Variants in DSCAML1 observed in about 807,000 individuals in gnomAD.
The protein encoded by DSCAML1 is DS cell adhesion molecule like 1.
A neutral mutation model predicts 200.5 loss-of-function variants in DSCAML1; 38 were observed. The observed-to-expected ratio is 0.19, with a 90% CI of 0.15 to 0.25. DSCAML1 has a LOEUF of 0.25. Among genes scored for constraint, DSCAML1 ranks in the 10% least tolerant of loss-of-function variants. The probability of loss-of-function intolerance (pLI) is 1.00; values close to 1 mark genes in which losing one functional copy is unlikely to be tolerated. For synonymous variants in DSCAML1, 1,215 were observed against 1,165.0 expected, an observed-to-expected ratio of 1.04 and a Z score of -0.87; for missense variants, 2,223 against 2,858.8, an observed-to-expected ratio of 0.78 and a Z score of 5.07.
At chr11:117,704,595 G>T (rs766885138) in intron 3 of DSCAML1, among the ~76,000 whole-genome samples, 85 of 152,204 alleles carry the variant, frequency 5.6e-4, no homozygotes, top group Non-Finnish European at 1.0e-3. Context: ...CGGGGAGGAG[G>T]GGGTGTATGG....
At chr11:117,757,998 AAAACAAAC>A (rs141321910) in intron 3 of DSCAML1, among the ~76,000 whole-genome samples, 2 of 151,064 alleles carry the variant, frequency 1.3e-5, no homozygotes, top group East Asian at 2.0e-4. Context: ...TCAAAAAGCA[AAAACAAAC>A]AAACAAACAA....
chr11:117,557,659 G>C (rs561118655), intron 3 of DSCAML1, among the ~76,000 whole-genome samples: 1 of 152,378 alleles, frequency 6.6e-6, no homozygotes, highest in East Asian at 1.9e-4. Context: ...AGCTGTTCCA[G>C]CTGCAGAAGG....
intron 5 of DSCAML1, among the ~76,000 whole-genome samples, chr11:117,522,843 C>T (rs2049907502): frequency 6.6e-6 from 1 of 152,092 alleles, no homozygotes; most frequent in South Asian, 2.1e-4. Flanking sequence ...ATGAACCTGG[C>T]AGGGAGAGGC....
At chr11:117,433,379 T>A (rs1307463974) in intron 28 of DSCAML1, 62 bp downstream of exon 28, 17 of 1,601,582 alleles carry the variant, frequency 1.1e-5, no homozygotes, top group Non-Finnish European at 1.4e-5. Context: ...GCGAGGCTCC[T>A]GGGTCCTCCT....
intron 11 of DSCAML1, among the ~76,000 whole-genome samples, chr11:117,500,391 T>C (rs1413547804): frequency 6.6e-6 from 1 of 152,248 alleles, no homozygotes; most frequent in Admixed American, 6.5e-5. Flanking sequence ...TCTGTCTGAC[T>C]CATCACCAGG....
intron 1 of DSCAML1, among the ~76,000 whole-genome samples, chr11:117,790,222 CTG>C (rs556962367): frequency 3.3e-4 from 51 of 152,342 alleles, no homozygotes; most frequent in African/African-American, 9.9e-4. Context: ...CCACAAAAGA[CTG>C]TGGATTCCCT....
intron 19 of DSCAML1, among the ~76,000 whole-genome samples, chr11:117,455,582 T>G (rs1008361803): frequency 6.6e-6 from 1 of 152,266 alleles, no homozygotes; most frequent in Non-Finnish European, 1.5e-5. Context: ...AGATCTGGAC[T>G]CAGTAAATAA....
intron 3 of DSCAML1, among the ~76,000 whole-genome samples, chr11:117,716,372 G>A (rs888482242): frequency 5.3e-5 from 8 of 152,184 alleles, no homozygotes; most frequent in African/African-American, 1.9e-4. Flanking sequence ...TTCCCAGGAG[G>A]TCTGCAGGAG....
At chr11:117,611,240 C>T (rs2137531508) in intron 3 of DSCAML1, 1 of 152,366 alleles carries the variant, frequency 6.6e-6, no homozygotes, top group African/African-American at 2.4e-5. Flanking sequence ...TTCTGTCTCG[C>T]TTATCCTGCA....
In DSCAML1 at chr11:117,432,418, G is replaced by T; in HGVS notation, c.5113C>A (p.His1705Asn). The change falls in exon 30 of 33, where the codon CAC becomes AAC. Residue 1705 changes from histidine (H) to asparagine (N), a missense_variant. His to Asn is a moderately conservative substitution (Grantham distance 68). Coordinates refer to ENST00000651296, the MANE Select transcript of DSCAML1 (RefSeq NM_020693.4). ...PQSFCTGVSLHHPTLIQSTGP... is the reference protein window; with the variant it reads ...PQSFCTGVSLNHPTLIQSTGP... ...GTGCTCTGGATGAGGGTTGGGTGGT[G>T]CAAGGAGACGCCAGTACAGAAGCTC... is the stretch of plus-strand genomic sequence containing the variant. The T allele has an allele frequency of 6.2e-7, 1 of 1,614,204 alleles. No individual in the cohort carries two copies. The highest frequency in any genetic ancestry group is 8.5e-7 in the Non-Finnish European group (1 of 1,180,042).
chr11:117,717,169 T>C (rs948026006), intron 3 of DSCAML1, among the ~76,000 whole-genome samples: 1 of 152,186 alleles, frequency 6.6e-6, no homozygotes, highest in Non-Finnish European at 1.5e-5. Context: ...ACGCCGAAGA[T>C]GGTCGATCAG....
At chr11:117,668,954 T>G (rs1591381402) in intron 3 of DSCAML1, 1 of 152,000 alleles carries the variant, frequency 6.6e-6, no homozygotes, top group East Asian at 1.9e-4. Flanking sequence ...GTGGCAGTAG[T>G]GGGGGAAACA....
intron 14 of DSCAML1, among the ~76,000 whole-genome samples, chr11:117,475,432 T>C (rs751727198): frequency 1.5e-4 from 23 of 152,120 alleles, no homozygotes; most frequent in Non-Finnish European, 2.6e-4. Context: ...TCCCCAGCCT[T>C]ATCTTTCTCT....
At chr11:117,785,006 A>G (rs1265814837) in intron 1 of DSCAML1, among the ~76,000 whole-genome samples, 1 of 152,148 alleles carries the variant, frequency 6.6e-6, no homozygotes, top group African/African-American at 2.4e-5. Flanking sequence ...TCCAAACCCT[A>G]CTTCCTCTCG....
rs1054228603 is a variant in DSCAML1 at position 117,774,523 on chromosome 11, C to A, written c.511+2268G>T. Among the ~76,000 whole-genome samples the A allele has an allele frequency of 3.9e-5, 6 of 152,284 alleles. No individual in the cohort carries two copies. In the South Asian group the frequency reaches 8.3e-4, roughly 21 times the overall value. On this transcript the variant is annotated intron_variant, in intron 3 of 32. Coordinates refer to ENST00000651296, the MANE Select transcript of DSCAML1 (RefSeq NM_020693.4). ...GGGGAAATGGAGGGGGTAAATGACT[C>A]ACCCAGCTAGTAAGCAATGGAGTGA...
intron 3 of DSCAML1, among the ~76,000 whole-genome samples, chr11:117,618,818 T>TA (rs1238022336): frequency 2.6e-5 from 4 of 152,164 alleles, no homozygotes; most frequent in African/African-American, 9.7e-5. Flanking sequence ...GAGGCTGTGT[T>TA]AAGCGGCCCA....
rs1037493523 is a variant in DSCAML1, at chr11:117,480,097, G to A, written c.2785+346C>T. Among the ~76,000 whole-genome samples, 1 of 152,146 alleles carries A rather than the reference G, an allele frequency of 6.6e-6. No homozygotes were observed. Among genetic ancestry groups the A allele is most frequent in the Non-Finnish European group, 1.5e-5 (1 of 68,034 alleles). On this transcript the variant is annotated intron_variant, in intron 14 of 32. Transcript: ENST00000651296. The surrounding 1 kb of genome is among the most constrained non-coding windows in gnomAD (Gnocchi z 4.1). Reference sequence around the variant, plus strand: ...GCACCCATATGACCTGGCCAAACCCGTGATGCTTCTGATGCCAGAGACAGC... The same window carrying A: ...GCACCCATATGACCTGGCCAAACCCATGATGCTTCTGATGCCAGAGACAGC...
At position 117,742,270 on chromosome 11, in the gene DSCAML1, C is replaced by T. The variant is rs577142152; in HGVS notation, c.511+34521G>A. On this transcript the variant is annotated intron_variant, in intron 3 of 32. Transcript: ENST00000651296. The stretch of plus-strand genomic sequence containing the variant: ...ACTTAACCCAAGACTGTAGACGGTG[C>T]TACCTTAGAGAGGAAGCCTGAGGTC... Among the ~76,000 whole-genome samples, 10 of 152,246 alleles carry T rather than the reference C, an allele frequency of 6.6e-5. No individual in the cohort carries two copies. The East Asian group carries it at 1.5e-3, about 24-fold the overall frequency.
intron 1 of DSCAML1, among the ~76,000 whole-genome samples, chr11:117,814,848 A>G (rs576813142): frequency 4.6e-5 from 7 of 152,192 alleles, no homozygotes; most frequent in African/African-American, 1.7e-4. Flanking sequence ...CCTCCAGGCT[A>G]CTCCTGGATG....
Sources: gnomAD v4.1 joint callset for allele counts (sites outside exome capture counted in the v4.1 genomes callset) on GRCh38, gnomAD v4.1.1 for gene constraint, Gnocchi (gnomAD v3.1) non-coding constraint, MANE v1.5 for transcripts, NCBI Gene and HGNC (gene_info 2026-07-23, HGNC 2026-07-21) for gene names.